STK3: variants seen among roughly 807,000 people sequenced by gnomAD.
The protein encoded by STK3 is serine/threonine-protein kinase 3.
In STK3, 41 loss-of-function variants were observed where a neutral mutation model predicts 58.0. The observed-to-expected ratio is 0.71, with a 90% CI of 0.55 to 0.92. The LOEUF (loss-of-function observed/expected upper bound fraction) is 0.92. Ranked by LOEUF, STK3 falls within the 40% of genes least tolerant of loss-of-function variation. STK3 has a pLI of 0.00. For missense variants in STK3, 479 were observed against 602.7 expected (o/e 0.79, Z 2.15); for synonymous variants, 170 against 191.0 (o/e 0.89, Z 0.91).
intron 3 of STK3, among the ~76,000 whole-genome samples, chr8:98,406,820 T>C (rs1467245565): frequency 6.6e-6 from 1 of 152,210 alleles, no homozygotes; most frequent in Admixed American, 6.5e-5. Context: ...AGATGTAAGA[T>C]ATTTGCTGGC....
intron 4 of STK3, among the ~76,000 whole-genome samples, chr8:98,738,737 C>T (rs1046602136): frequency 6.6e-6 from 1 of 152,150 alleles, no homozygotes; most frequent in Admixed American, 6.5e-5. Flanking sequence ...AGACAGTGGG[C>T]GCAGGACAGT....
intron 3 of STK3, chr8:98,427,890 C>G (rs889741140): frequency 2.7e-5 from 32 of 1,191,766 alleles, no homozygotes; most frequent in Admixed American, 2.3e-4. Flanking sequence ...GAGGGGGCCC[C>G]GCCAGGGCGC....
At chr8:98,437,603 A>G (rs539699848) in intron 1 of STK3, 3 of 152,272 alleles carry the variant, frequency 2.0e-5, no homozygotes, top group South Asian at 4.1e-4. Flanking sequence ...CAGACCTACT[A>G]TGAAAAGAAC....
intron 10 of STK3, among the ~76,000 whole-genome samples, chr8:98,495,362 G>T (rs1439281330): frequency 6.6e-6 from 1 of 151,878 alleles, no homozygotes; most frequent in Admixed American, 6.6e-5. Context: ...TATATTACAG[G>T]TACTTTTTTT....
At chr8:98,614,588 G>C (rs1007773438) in intron 6 of STK3, among the ~76,000 whole-genome samples, 2 of 149,644 alleles carry the variant, frequency 1.3e-5, no homozygotes, top group East Asian at 3.9e-4. Context: ...GTGGGCGCAG[G>C]CCAGTGGGTG....
At chr8:98,370,809 G>T (rs1268229249), downstream of STK3, among the ~76,000 whole-genome samples, 2 of 152,134 alleles carry the variant, frequency 1.3e-5, no homozygotes, top group Admixed American at 1.3e-4. Context: ...TGAGGTCTTG[G>T]GATCCAAACA....
chr8:98,903,543 TCTTCTTCTTCTTC>T (rs766800289), intron 1 of STK3, among the ~76,000 whole-genome samples: 8,127 of 41,028 alleles, frequency 0.2, 620 homozygotes, highest in Middle Eastern at 0.33. Flanking sequence ...TTCTTCTTCT[TCTTCTTCTTCTTC>T]CTTTTTTTTT....
chr8:98,542,449 GT>G (rs1810369407), intron 9 of STK3, among the ~76,000 whole-genome samples: 1 of 152,066 alleles, frequency 6.6e-6, no homozygotes, highest in South Asian at 2.1e-4. Flanking sequence ...ATGCTACTCA[GT>G]TCATTTTGGA....
chr8:98,422,669 A>G (rs1012343161), intron 3 of STK3, among the ~76,000 whole-genome samples: 1 of 152,192 alleles, frequency 6.6e-6, no homozygotes, highest in Non-Finnish European at 1.5e-5. Flanking sequence ...CAGCCCTCAC[A>G]GTGCTCCCAC....
At chr8:98,573,883 C>T (rs1012509200) in intron 8 of STK3, among the ~76,000 whole-genome samples, 2 of 151,758 alleles carry the variant, frequency 1.3e-5, no homozygotes, top group South Asian at 2.1e-4. Context: ...ATTATAATCA[C>T]GGCACAAGGC....
chr8:98,495,440 GA>G (rs893657938), intron 10 of STK3, among the ~76,000 whole-genome samples: 2 of 152,034 alleles, frequency 1.3e-5, no homozygotes, highest in Non-Finnish European at 2.9e-5. Flanking sequence ...CTCTGACCAT[GA>G]AAAATGTTTT....
intron 4 of STK3, among the ~76,000 whole-genome samples, chr8:98,739,911 G>T (rs1371576906): frequency 6.6e-6 from 1 of 151,546 alleles, no homozygotes; most frequent in Non-Finnish European, 1.5e-5. Flanking sequence ...GGAGCTGATG[G>T]AGCTGAAAGC....
chr8:98,436,871 C>T (rs1285337959), intron 2 of STK3: 1 of 152,188 alleles, frequency 6.6e-6, no homozygotes, highest in African/African-American at 2.4e-5. Context: ...GCCTCTGTCT[C>T]CTCACCTGCA....
Position 98,656,392 on chromosome 8 carries a change from G to A in STK3, c.684+50075C>T, listed in dbSNP as rs925968968. Among the ~76,000 whole-genome samples the A allele has an allele frequency of 2.6e-5, 4 of 151,958 alleles. No homozygotes were observed. In the South Asian group the frequency reaches 6.2e-4, roughly 24 times the overall value. On this transcript the variant is annotated intron_variant, in intron 6 of 10. Transcript: ENST00000419617. ...GGAGATATACCTAATGCTAAATGAC[G>A]AGTTAATGGGTGCAGCACACCAGCA...
At chr8:98,364,147 T>TG in the STK3 span, among the ~76,000 whole-genome samples, 1 of 152,082 alleles carries the variant, frequency 6.6e-6, no homozygotes, top group Non-Finnish European at 1.5e-5. Context: ...GCCTGGAGCC[T>TG]GGGTAGTGGG....
intron 6 of STK3, among the ~76,000 whole-genome samples, chr8:98,689,974 G>A (rs950391505): frequency 1.3e-5 from 2 of 152,050 alleles, no homozygotes; most frequent in East Asian, 1.9e-4. Flanking sequence ...CACAGAAAAG[G>A]CTTTTGACAA....
intron 8 of STK3, among the ~76,000 whole-genome samples, chr8:98,551,112 G>A (rs1173528698): frequency 3.3e-5 from 5 of 152,054 alleles, no homozygotes; most frequent in East Asian, 1.9e-4. Context: ...CTTTGTGTAC[G>A]TCTTATTCTC....
chr8:98,904,528 G>T (rs1036742381), intron 1 of STK3: 7 of 449,888 alleles, frequency 1.6e-5, no homozygotes, highest in Non-Finnish European at 3.0e-5. Flanking sequence ...AAAGGGGACC[G>T]CACGGAGCAA....
chr8:98,407,366 A>G (rs913668089), intron 3 of STK3, among the ~76,000 whole-genome samples: 2 of 152,180 alleles, frequency 1.3e-5, no homozygotes, highest in African/African-American at 4.8e-5. Flanking sequence ...GGCTATTCCT[A>G]CGTCCTTCAC....
Sources: gnomAD v4.1 joint callset for allele counts (sites outside exome capture counted in the v4.1 genomes callset) on GRCh38, gnomAD v4.1.1 for gene constraint, MANE v1.5 for transcripts, NCBI Gene and HGNC (gene_info 2026-07-23, HGNC 2026-07-21) for gene names.